Variants in PSD observed in about 807,000 individuals in gnomAD.
The protein encoded by PSD is pleckstrin and Sec7 domain containing, also known as PH and SEC7 domain-containing protein 1.
In PSD, 32 loss-of-function variants were observed where a neutral mutation model predicts 91.6. The observed-to-expected ratio is 0.35, with a 90% confidence interval of 0.26 to 0.47. PSD has a LOEUF of 0.47. PSD is among the 20% of genes least tolerant of loss of function. The pLI is 1.00. For missense variants in PSD, 1,099 were observed against 1,373.9 expected (o/e 0.80, Z 3.16); for synonymous variants, 532 against 569.3 (o/e 0.93, Z 0.93).
In PSD at chr10:102,412,545, G is replaced by C; in HGVS notation, c.1584C>G (p.Asp528Glu). The change falls in exon 6 of 17, where the codon GAC becomes GAG. Residue 528 changes from aspartate (D) to glutamate (E), a missense_variant. Physicochemically the swap from Asp to Glu is conservative, Grantham distance 45. Around this residue, in one of 3 missense-constraint regions of PSD, gnomAD observed 631 missense variants for 728.8 expected, o/e 0.87. Coordinates refer to ENST00000020673, the MANE Select transcript of PSD (RefSeq NM_002779.5). ...SEPPLSQLVS[D>E]SDSELDSTER... Reference sequence around the variant, plus strand: ...CTGTGCTGTCCAGCTCTGAGTCTGAGTCGGACACCAGCTGGCTCAGGGGTG... The same window carrying C: ...CTGTGCTGTCCAGCTCTGAGTCTGACTCGGACACCAGCTGGCTCAGGGGTG... The C allele has an allele frequency of 6.2e-7, 1 of 1,613,612 alleles. No homozygotes were observed. The highest frequency in any genetic ancestry group is 8.5e-7 in the Non-Finnish European group (1 of 1,179,768).
chr10:102,416,101 G>T lies in PSD; in HGVS notation c.673C>A (p.Pro225Thr). 6.2e-7 allele frequency: 1 copy of T among 1,613,558 alleles called. No homozygotes were observed. Among genetic ancestry groups the T allele is most frequent in the Non-Finnish European group, 8.5e-7 (1 of 1,179,724 alleles). The change falls in exon 3 of 17, where the codon CCC becomes ACC. Residue 225 changes from proline (P) to threonine (T), a missense_variant. Pro to Thr is a conservative substitution (Grantham distance 38, BLOSUM62 -1). Transcript: ENST00000020673. The surrounding 1 kb of genome is among the most constrained non-coding windows in gnomAD (Gnocchi z 6.0). The part of the protein sequence containing the change: ...FLNQGDTWSS[P>T]REVSSHAQRI... ...TGGGCATGAGAGGAGACTTCCCGGG[G>T]GGAGGACCAGGTATCCCCCTGAGCC...
chr10:102,408,642 C>A (rs1224812081), intron 10 of PSD, among the ~76,000 whole-genome samples: 1 of 152,218 alleles, frequency 6.6e-6, no homozygotes. Context: ...ACACCTCATT[C>A]GAGGGCCCTG....
Position 102,404,164 on chromosome 10 carries a change from C to T in PSD, c.2701-179G>A, listed in dbSNP as rs988185934. ...GAGATCGAGACCATCCTGGCTAACA[C>T]GGTGAAACCCCGTCTCTACTAAAAA... On this transcript the variant is annotated intron_variant, in intron 15 of 16. Coordinates refer to ENST00000020673, the MANE Select transcript of PSD (RefSeq NM_002779.5). This position sits in a 1 kb window ranked among gnomAD's most constrained non-coding sequence, Gnocchi z 5.7. 5.3e-5 allele frequency among the ~76,000 whole-genome samples: 8 copies of T among 152,094 alleles called. No homozygotes were observed. The highest frequency in any genetic ancestry group is 1.3e-4 in the Admixed American group (2 of 15,280).
chr10:102,417,707 CT>C (rs5787453), intron 1 of PSD, among the ~76,000 whole-genome samples: 88,112 of 122,828 alleles, frequency 0.72, 30,969 homozygotes, highest in South Asian at 0.79. Context: ...GGACATTCTT[CT>C]TTTTTTTTTT....
rs2061490395 is a variant in PSD at position 102,417,059 on chromosome 10, TG to T, written c.-22del. On this transcript the variant is annotated 5_prime_UTR_variant, in exon 2 of 17. An upstream open reading frame in the 5' UTR loses its in-frame stop. Coordinates refer to ENST00000020673, the MANE Select transcript of PSD (RefSeq NM_002779.5). Reference sequence around the variant, plus strand: ...GCCATGCTGGGGCCGGGGGTCAGGCTGGGGGGGCAGGGATGGCGAGGCCAGG... The same window carrying T: ...GCCATGCTGGGGCCGGGGGTCAGGCTGGGGGGCAGGGATGGCGAGGCCAGG... 34 of 1,052,288 alleles carry T rather than the reference TG, an allele frequency of 3.2e-5. No homozygotes were observed. Among genetic ancestry groups the T allele is most frequent in the East Asian group, 9.4e-5 (2 of 21,254 alleles). 65.2% of individuals were successfully genotyped at this position (1,052,288 alleles called of 1,614,324 possible).
intron 5 of PSD, among the ~76,000 whole-genome samples, chr10:102,413,350 T>C (rs2061442903): frequency 2.0e-5 from 3 of 152,066 alleles, no homozygotes; most frequent in Admixed American, 1.3e-4. Context: ...AGATGCCTGA[T>C]TAGGCAGGGG....
Position 102,403,753 on chromosome 10 carries a change from C to T in PSD, c.2844+89G>A, listed in dbSNP as rs1018119095. 1.0e-5 allele frequency: 15 copies of T among 1,483,352 alleles called. No homozygotes were observed. The highest frequency in any genetic ancestry group is 1.4e-5 in the African/African-American group (1 of 71,924). The allele number at this position is 1,483,352 out of a possible 1,614,324, so 91.9% of individuals were successfully genotyped here. Reference sequence around the variant, plus strand: ...TTAGGTTAAGCAACCTGCCCAAGGACCTCCGGCCGGTTCCACTGTTAGAGT... The same window carrying T: ...TTAGGTTAAGCAACCTGCCCAAGGATCTCCGGCCGGTTCCACTGTTAGAGT... On this transcript the variant is annotated intron_variant, in intron 16 of 16. Transcript: ENST00000020673. The surrounding 1 kb of genome is among the most constrained non-coding windows in gnomAD (Gnocchi z 6.7).
Position 102,410,861 on chromosome 10 carries a change from G to A in PSD, c.2088C>T (p.Leu696=), listed in dbSNP as rs773343778. Residue 696 remains leucine (L), a synonymous_variant, in exon 10 of 17, where the codon CTC becomes CTT. Coordinates refer to ENST00000020673, the MANE Select transcript of PSD (RefSeq NM_002779.5). This position sits in a 1 kb window ranked among gnomAD's most constrained non-coding sequence, Gnocchi z 6.0. ...TCTACCCTGCCCCGCCCCCCACCTT[G>A]AGCAGCTCCCTAGGGAAGTCGCCGC... ...NDGGDFPREL[L]KALYSSIKNE... is the part of the protein sequence containing the mutation. 1.2e-6 allele frequency: 2 copies of A among 1,612,046 alleles called. No individual in the cohort carries two copies. Among genetic ancestry groups the A allele is most frequent in the Middle Eastern group, 1.7e-4 (1 of 5,836 alleles).
At position 102,405,391 on chromosome 10, in the gene PSD, C is replaced by G. The variant is rs1302752049; in HGVS notation, c.2281G>C (p.Gly761Arg). The change falls in exon 12 of 17, where the codon GGG (glycine) becomes CGG (arginine). Residue 761 changes from glycine to arginine, a missense_variant. Around this residue, in one of 3 missense-constraint regions of PSD, gnomAD observed 358 missense variants for 426.5 expected, o/e 0.84. Coordinates refer to ENST00000020673, the MANE Select transcript of PSD (RefSeq NM_002779.5). The surrounding 1 kb of genome is among the most constrained non-coding windows in gnomAD (Gnocchi z 5.4). ...GCGTGCACCTTTCGCACCAGGGCCC[C>G]GTGCTTGTAGACGGCAGCCCCAGGC... The part of the protein sequence containing the change: ...PEPGAAVYKH[G>R]ALVRKVHADP... 1.2e-6 allele frequency: 2 copies of G among 1,613,760 alleles called. No homozygotes were observed. The highest frequency in any genetic ancestry group is 8.5e-7 in the Non-Finnish European group (1 of 1,180,014).
rs1019646303 is a variant in PSD at position 102,409,388 on chromosome 10, G to T, written c.2091+1470C>A. 1.3e-5 allele frequency: 13 copies of T among 983,628 alleles called. No individual in the cohort carries two copies. Among genetic ancestry groups the T allele is most frequent in the Non-Finnish European group, 1.4e-5 (12 of 828,394 alleles). The allele number at this position is 983,628 out of a possible 1,614,324, so 60.9% of individuals were successfully genotyped here. A position where few individuals can be genotyped will look rare whatever the true frequency, so the allele number is the denominator to read the frequency against. ...CGATCGCGAAGGGGGCCCTCCCCGC[G>T]CGGCCACGGGGAGGAGCCTGGGGAG... On this transcript the variant is annotated intron_variant, in intron 10 of 16. Coordinates refer to ENST00000020673, the MANE Select transcript of PSD (RefSeq NM_002779.5). The surrounding 1 kb of genome is among the most constrained non-coding windows in gnomAD (Gnocchi z 5.7).
Position 102,403,899 on chromosome 10 carries a change from C to T in PSD, c.2787G>A (p.Lys929=). 1 of 1,605,722 alleles carries T rather than the reference C, an allele frequency of 6.2e-7. No homozygotes were observed. Residue 929 remains lysine (K), a synonymous_variant, in exon 16 of 17, where the codon AAG becomes AAA. Coordinates refer to ENST00000020673, the MANE Select transcript of PSD (RefSeq NM_002779.5). This position sits in a 1 kb window ranked among gnomAD's most constrained non-coding sequence, Gnocchi z 6.7. The part of the protein sequence containing the change: ...REHRAAQLGK[K]GRGKEAEEQR... ...GCTCTTCAGCCTCCTTGCCCCGGCC[C>T]TTCTTGCCCAGCTGGGCGGCCCGGT...
Position 102,404,733 on chromosome 10 carries a change from G to A in PSD, c.2556-6C>T, listed in dbSNP as rs1193968601. The A allele has an allele frequency of 3.2e-5, 50 of 1,566,274 alleles. No homozygotes were observed. Among genetic ancestry groups the A allele is most frequent in the Non-Finnish European group, 3.9e-5 (45 of 1,153,586 alleles). ...ACTGCATCTGCTCCAGGCTCCTGGGGAGAAAGCACAGCCCTTTGGGACCTG... is the reference window on the plus strand; with the variant it reads ...ACTGCATCTGCTCCAGGCTCCTGGGAAGAAAGCACAGCCCTTTGGGACCTG... On this transcript the variant is annotated splice_polypyrimidine_tract_variant and splice_region_variant and intron_variant, in intron 14 of 16. Coordinates refer to ENST00000020673, the MANE Select transcript of PSD (RefSeq NM_002779.5). The surrounding 1 kb of genome is among the most constrained non-coding windows in gnomAD (Gnocchi z 5.7).
In PSD at chr10:102,415,160, GCCACCCCAGAGCCCTGCCTTGAGC is replaced by G; in HGVS notation, c.803_826del (p.Gly268_Val275del). 1 of 1,613,390 alleles carries G rather than the reference GCCACCCCAGAGCCCTGCCTTGAGC, an allele frequency of 6.2e-7. No individual in the cohort carries two copies. The highest frequency in any genetic ancestry group is 8.5e-7 in the Non-Finnish European group (1 of 1,179,998). On this transcript the variant is annotated inframe_deletion, in exon 4 of 17. Transcript: ENST00000020673. ...GGAGTACTTGGCTGCTCGCCCCACA[GCCACCCCAGAGCCCTGCCTTGAGC>G]CCACCCCAGGTGGAGATGGGGGGGC...
In PSD at chr10:102,414,449, G is replaced by A. The variant is rs546622839; in HGVS notation, c.1125-252C>T. Among the ~76,000 whole-genome samples the A allele has an allele frequency of 7.3e-5, 11 of 150,862 alleles. No individual in the cohort carries two copies. In the South Asian group the frequency reaches 8.4e-4, roughly 12 times the overall value. On this transcript the variant is annotated intron_variant, in intron 4 of 16. Coordinates refer to ENST00000020673, the MANE Select transcript of PSD (RefSeq NM_002779.5). This position sits in a 1 kb window ranked among gnomAD's most constrained non-coding sequence, Gnocchi z 5.6. ...TAATCTCCCTTTCTCCTCCTTTTCC[G>A]TGATCCGCTTCCCTTCTGCCATCCC...
rs765012953 is a variant in PSD, at chr10:102,415,098, G to A, written c.889C>T (p.Arg297Cys). The A allele has an allele frequency of 1.3e-5, 21 of 1,613,952 alleles. No homozygotes were observed. The highest frequency in any genetic ancestry group is 1.6e-4 in the Middle Eastern group (1 of 6,062). The change falls in exon 4 of 17, where the codon CGC (arginine) becomes TGC (cysteine). Residue 297 changes from arginine to cysteine, a missense_variant. Physicochemically the swap from Arg to Cys is radical, Grantham distance 180. This residue lies in a region of PSD where 631 missense variants were observed against 728.8 expected (regional missense o/e 0.87). Coordinates refer to ENST00000020673, the MANE Select transcript of PSD (RefSeq NM_002779.5). ...DLDTVPLRCY[R>C]ETDIDEVLAE... ...AGCACCTCATCGATGTCAGTCTCGC[G>A]GTAGCACCTCAGGGGCACCGTGTCC... is the stretch of plus-strand genomic sequence containing the variant.
chr10:102,419,891 T>C (rs1404497138), upstream of PSD: 1 of 246,848 alleles, frequency 4.1e-6, no homozygotes, highest in Non-Finnish European at 8.3e-6. This position sits in a 1 kb window ranked among gnomAD's most constrained non-coding sequence, Gnocchi z 4.8. Flanking sequence ...GACCCCTTTC[T>C]TGTCTCTCCC....
In PSD at chr10:102,410,003, G is replaced by C. The variant is rs1420724251; in HGVS notation, c.2091+855C>G. Among the ~76,000 whole-genome samples, 2 of 152,086 alleles carry C rather than the reference G, an allele frequency of 1.3e-5. No homozygotes were observed. Among genetic ancestry groups the C allele is most frequent in the Non-Finnish European group, 2.9e-5 (2 of 68,016 alleles). On this transcript the variant is annotated intron_variant, in intron 10 of 16. Coordinates refer to ENST00000020673, the MANE Select transcript of PSD (RefSeq NM_002779.5). This position sits in a 1 kb window ranked among gnomAD's most constrained non-coding sequence, Gnocchi z 6.0. ...GGCACACAGATGCAACTCAACTCAA[G>C]CAACACCCCAGCTCACCATGGACGT...
chr10:102,412,637 C>A, intron 5 of PSD, 62 bp from the exon 6 acceptor site: 1 of 1,433,310 alleles, frequency 7.0e-7, no homozygotes, highest in South Asian at 1.3e-5. Context: ...CCAGACCCTC[C>A]TTCTGCCTCC....
At chr10:102,418,643 A>C (rs2061514847) in intron 1 of PSD, 58 bp downstream of exon 1, 1 of 446,862 alleles carries the variant, frequency 2.2e-6, no homozygotes, top group Non-Finnish European at 4.5e-6. Context: ...CCGGAAGCTC[A>C]ACGGGGTCCC....
Sources: allele counts gnomAD v4.1 joint callset (sites outside exome capture counted in the v4.1 genomes callset), GRCh38; gene constraint gnomAD v4.1.1; regional missense constraint gnomAD v4.1.1; non-coding constraint Gnocchi (gnomAD v3.1); transcripts MANE v1.5; gene names NCBI Gene and HGNC (gene_info 2026-07-23, HGNC 2026-07-21).